The following SGCD variants were observed in gnomAD, a reference collection of about 807,000 sequenced individuals.
SGCD encodes the protein delta-sarcoglycan.
SGCD carries 18 observed loss-of-function variants against 36.6 expected under a neutral mutation model. The observed-to-expected ratio is 0.49, with a 90% CI of 0.34 to 0.73. The LOEUF is 0.73. Among genes scored for constraint, SGCD ranks in the 30% least tolerant of loss-of-function variants. SGCD has a pLI of 0.01. For synonymous variants in SGCD, 133 were observed against 130.6 expected (o/e 1.02, Z -0.12); for missense variants, 387 against 346.7 (o/e 1.12, Z -0.92).
intron 3 of SGCD, among the ~76,000 whole-genome samples, chr5:156,432,308 A>G (rs1032370742): frequency 2.0e-5 from 3 of 152,192 alleles, no homozygotes; most frequent in African/African-American, 7.2e-5. Flanking sequence ...AGCATGTTAC[A>G]GGTGGTGGAA....
At chr5:155,847,959 G>A in the SGCD span, among the ~76,000 whole-genome samples, 5 of 152,098 alleles carry the variant, frequency 3.3e-5, no homozygotes, top group East Asian at 5.8e-4. Flanking sequence ...AAACATCCAC[G>A]TTTGTGAATG....
At chr5:155,935,052 G>T (rs1468644917) in intron 1 of SGCD, among the ~76,000 whole-genome samples, 1 of 152,158 alleles carries the variant, frequency 6.6e-6, no homozygotes, top group Non-Finnish European at 1.5e-5. Context: ...ACATCATTTT[G>T]TGACTAGTTT....
chr5:155,842,448 C>T, the SGCD span, among the ~76,000 whole-genome samples: 3 of 152,098 alleles, frequency 2.0e-5, no homozygotes, highest in East Asian at 5.8e-4. Context: ...TGGTGCACAC[C>T]TGTAATCCCA....
At chr5:155,941,649 T>G (rs1757330071) in intron 1 of SGCD, among the ~76,000 whole-genome samples, 1 of 151,970 alleles carries the variant, frequency 6.6e-6, no homozygotes, top group South Asian at 2.1e-4. Flanking sequence ...TACATTACTA[T>G]AGTACTAAGG....
chr5:155,966,908 C>A (rs925333668), intron 1 of SGCD, among the ~76,000 whole-genome samples: 6 of 151,134 alleles, frequency 4.0e-5, no homozygotes, highest in African/African-American at 1.5e-4. Context: ...ATTTTCAATT[C>A]TTTTACAAAG....
At chr5:156,016,648 T>C (rs1758986040) in intron 1 of SGCD, among the ~76,000 whole-genome samples, 2 of 152,170 alleles carry the variant, frequency 1.3e-5, no homozygotes, top group Admixed American at 6.6e-5. Flanking sequence ...AGATAGCATG[T>C]TGTATGTACT....
At chr5:156,019,701 A>T (rs1020593275) in intron 1 of SGCD, among the ~76,000 whole-genome samples, 1 of 152,192 alleles carries the variant, frequency 6.6e-6, no homozygotes, top group Non-Finnish European at 1.5e-5. Flanking sequence ...GAACTGGAGA[A>T]CTTGTGGTAG....
chr5:156,443,582 G>A (rs1419825558), intron 3 of SGCD, among the ~76,000 whole-genome samples: 1 of 152,028 alleles, frequency 6.6e-6, no homozygotes, highest in African/African-American at 2.4e-5. Context: ...ATTCCAGCCT[G>A]GGTCACTGCT....
intron 7 of SGCD, among the ~76,000 whole-genome samples, chr5:156,740,255 A>T (rs1159645505): frequency 6.6e-6 from 1 of 152,206 alleles, no homozygotes; most frequent in Non-Finnish European, 1.5e-5. Context: ...AGGCTCTTCA[A>T]TATGGCTGTT....
chr5:156,599,800 AAC>A (rs1415671841), intron 6 of SGCD, among the ~76,000 whole-genome samples: 1 of 152,246 alleles, frequency 6.6e-6, no homozygotes, highest in African/African-American at 2.4e-5. Flanking sequence ...AGTAATTAAA[AAC>A]ACAGGTTTTG....
intron 3 of SGCD, among the ~76,000 whole-genome samples, chr5:156,238,163 A>G (rs1298836261): frequency 6.6e-6 from 1 of 152,080 alleles, no homozygotes; most frequent in Non-Finnish European, 1.5e-5. Flanking sequence ...GGCTCTTCTC[A>G]AATTCCTGGG....
intron 1 of SGCD, among the ~76,000 whole-genome samples, chr5:155,982,719 C>G (rs1052347829): frequency 2.0e-5 from 3 of 152,182 alleles, no homozygotes; most frequent in Non-Finnish European, 2.9e-5. Flanking sequence ...GAACTCTGGG[C>G]TTCCCTCTGA....
chr5:156,443,410 G>A (rs1000029597), intron 3 of SGCD, among the ~76,000 whole-genome samples: 3 of 152,242 alleles, frequency 2.0e-5, no homozygotes, highest in Admixed American at 6.5e-5. Context: ...AACATGAATA[G>A]CAACAGCATC....
intron 4 of SGCD, among the ~76,000 whole-genome samples, chr5:156,580,776 T>G (rs916615469): frequency 2.6e-5 from 4 of 152,166 alleles, no homozygotes; most frequent in African/African-American, 9.7e-5. Flanking sequence ...TTCTCTACAC[T>G]ATTTATTCTA....
chr5:156,030,420 G>A (rs1231047504), intron 1 of SGCD, among the ~76,000 whole-genome samples: 1 of 152,190 alleles, frequency 6.6e-6, no homozygotes, highest in Non-Finnish European at 1.5e-5. Flanking sequence ...GCAGAGATGA[G>A]AGTGGCATGT....
chr5:156,362,787 T>C (rs1416936459), intron 3 of SGCD, among the ~76,000 whole-genome samples: 2 of 152,214 alleles, frequency 1.3e-5, no homozygotes, highest in Non-Finnish European at 2.9e-5. Context: ...TCTATTTGCT[T>C]TATTCAGAGT....
chr5:156,446,649 AG>A, intron 3 of SGCD, among the ~76,000 whole-genome samples: 1 of 152,176 alleles, frequency 6.6e-6, no homozygotes, highest in Non-Finnish European at 1.5e-5. Context: ...AGATGGCCAA[AG>A]TTCTACCTCC....
At chr5:156,604,083 G>A (rs1173096293) in intron 6 of SGCD, among the ~76,000 whole-genome samples, 3 of 151,822 alleles carry the variant, frequency 2.0e-5, no homozygotes, top group Non-Finnish European at 4.4e-5. Context: ...CTTTGGAATT[G>A]GGTTTCTTTA....
rs1273229557 is a variant in SGCD at position 156,231,963 on chromosome 5, C to A, written c.-43-97571C>A. On this transcript the variant is annotated intron_variant, in intron 3 of 9. Coordinates refer to the SGCD transcript ENST00000517913. ...TGAGTCAACTAAGACAGCTTGAGGACTAGCTTTAGGATTGATCCTCAGAGG... is the reference window on the plus strand; with the variant it reads ...TGAGTCAACTAAGACAGCTTGAGGAATAGCTTTAGGATTGATCCTCAGAGG... Among the ~76,000 whole-genome samples, 3 of 152,142 alleles carry A rather than the reference C, an allele frequency of 2.0e-5. No homozygotes were observed. In the East Asian group the frequency reaches 5.8e-4, roughly 29 times the overall value.
Sources: allele counts gnomAD v4.1 joint callset (sites outside exome capture counted in the v4.1 genomes callset), GRCh38; gene constraint gnomAD v4.1.1; transcripts MANE v1.5; gene names NCBI Gene and HGNC (gene_info 2026-07-23, HGNC 2026-07-21).